Variants in EPHA3 observed in about 807,000 individuals in gnomAD.
EPHA3 encodes the protein EPH receptor A3.
Under a neutral mutation model 107.1 loss-of-function variants are expected in EPHA3, and 42 were observed. The ratio of observed to expected loss-of-function variants is 0.39; its 90% confidence interval spans 0.31 to 0.51. The LOEUF is 0.51. Among genes scored for constraint, EPHA3 ranks in the 20% least tolerant of loss-of-function variants. The pLI is 0.78. For synonymous variants in EPHA3, 461 were observed against 424.8 expected (o/e 1.09, Z -1.05); for missense variants, 1,183 against 1,211.2 (o/e 0.98, Z 0.35).
At chr3:89,292,583 T>G (rs1706238125) in intron 3 of EPHA3, among the ~76,000 whole-genome samples, 1 of 152,192 alleles carries the variant, frequency 6.6e-6, no homozygotes, top group Non-Finnish European at 1.5e-5. Context: ...AATCCAAATT[T>G]TGATTTTCCA....
At chr3:89,298,921 G>A (rs1706422573) in intron 3 of EPHA3, among the ~76,000 whole-genome samples, 1 of 152,022 alleles carries the variant, frequency 6.6e-6, no homozygotes, top group Non-Finnish European at 1.5e-5. Context: ...TCATCATGAA[G>A]ATGATAATAC....
chr3:89,247,235 G>C (rs562465642), intron 3 of EPHA3, among the ~76,000 whole-genome samples: 84 of 152,194 alleles, frequency 5.5e-4, no homozygotes, highest in African/African-American at 2.0e-3. Context: ...TCTGAGACTG[G>C]GAAAGATCCA....
At chr3:89,338,583 C>G (rs1707444103) in intron 3 of EPHA3, among the ~76,000 whole-genome samples, 2 of 152,218 alleles carry the variant, frequency 1.3e-5, no homozygotes, top group Admixed American at 1.3e-4. Context: ...GAGTCTCGCT[C>G]TGTCGCCCAG....
At chr3:89,180,830 T>G (rs142319137) in intron 2 of EPHA3, among the ~76,000 whole-genome samples, 2 of 152,106 alleles carry the variant, frequency 1.3e-5, no homozygotes, top group East Asian at 3.9e-4. Context: ...GAAGTGCATA[T>G]GGGACTACTC....
chr3:89,201,742 G>T (rs1163984750), intron 2 of EPHA3, among the ~76,000 whole-genome samples: 1 of 152,104 alleles, frequency 6.6e-6, no homozygotes, highest in Non-Finnish European at 1.5e-5. Flanking sequence ...TAGAAATTTG[G>T]TGATGTTTTC....
At chr3:89,424,204 C>G (rs962737868) in intron 11 of EPHA3, among the ~76,000 whole-genome samples, 13 of 151,356 alleles carry the variant, frequency 8.6e-5, no homozygotes, top group African/African-American at 2.9e-4. Flanking sequence ...CACCATTTCC[C>G]AAGTGTAGTT....
intron 7 of EPHA3, among the ~76,000 whole-genome samples, chr3:89,402,850 G>T (rs1311863308): frequency 1.3e-5 from 2 of 152,000 alleles, no homozygotes; most frequent in African/African-American, 4.8e-5. Flanking sequence ...GCTAATTTTG[G>T]CATTTTTAGT....
chr3:89,400,135 C>T (rs1708928664), intron 7 of EPHA3: 1 of 805,026 alleles, frequency 1.2e-6, no homozygotes, highest in Non-Finnish European at 1.5e-6. Context: ...GTCTATGGCA[C>T]TAATATAAAA....
At chr3:89,475,412 A>C (rs73139129) in intron 16 of EPHA3, among the ~76,000 whole-genome samples, 4 of 152,222 alleles carry the variant, frequency 2.6e-5, no homozygotes, top group Admixed American at 2.6e-4. Context: ...GTCAAAGTAT[A>C]GGAAAAGATC....
chr3:89,262,495 T>A (rs1204839884), intron 3 of EPHA3, among the ~76,000 whole-genome samples: 1 of 152,220 alleles, frequency 6.6e-6, no homozygotes, highest in Admixed American at 6.5e-5. Context: ...TTATTCACAG[T>A]GTGTGAGCAT....
intron 11 of EPHA3, among the ~76,000 whole-genome samples, chr3:89,421,951 T>G (rs961775020): frequency 3.3e-5 from 5 of 151,252 alleles, no homozygotes; most frequent in Non-Finnish European, 5.9e-5. Flanking sequence ...ACAACTGCCT[T>G]ATTCTTAGGG....
At chr3:89,207,354 A>G (rs1359298875) in intron 2 of EPHA3, among the ~76,000 whole-genome samples, 1 of 152,214 alleles carries the variant, frequency 6.6e-6, no homozygotes, top group African/African-American at 2.4e-5. Flanking sequence ...GGAGGCAACA[A>G]GAATTGAAAA....
chr3:89,262,147 A>G (rs1705432478), intron 3 of EPHA3, among the ~76,000 whole-genome samples: 1 of 152,074 alleles, frequency 6.6e-6, no homozygotes, highest in African/African-American at 2.4e-5. Flanking sequence ...TGTAATATCA[A>G]CTCCAACTGT....
At chr3:89,385,705 A>C (rs568369710) in intron 5 of EPHA3, among the ~76,000 whole-genome samples, 1 of 152,254 alleles carries the variant, frequency 6.6e-6, no homozygotes, top group Non-Finnish European at 1.5e-5. Flanking sequence ...TGTGGAAGCA[A>C]CTTAGGAACT....
intron 2 of EPHA3, among the ~76,000 whole-genome samples, chr3:89,160,593 C>CGT (rs796999543): frequency 2.9e-4 from 31 of 105,760 alleles, no homozygotes; most frequent in African/African-American, 1.0e-3. Flanking sequence ...TGTGTGTGCG[C>CGT]GCATTCTTTT....
At chr3:89,115,542 T>A (rs1191377995) in intron 1 of EPHA3, among the ~76,000 whole-genome samples, 3 of 151,054 alleles carry the variant, frequency 2.0e-5, no homozygotes, top group African/African-American at 7.3e-5. Context: ...AGAACTTCAG[T>A]CTTTTTCATA....
chr3:89,345,876 T>C lies in EPHA3; in HGVS notation c.1306+3786T>C, dbSNP rs1157237072. 4.9e-5 allele frequency among the ~76,000 whole-genome samples: 7 copies of C among 142,936 alleles called. 1 individual carries two copies. Among genetic ancestry groups the C allele is most frequent in the Non-Finnish European group, 1.1e-4 (7 of 64,688 alleles). The allele number at this position is 142,936 out of a possible 152,430, so 93.8% of individuals were successfully genotyped here. ...GTGAGAATATGCGGTGTTTGGTTTT[T>C]TGTTCTTGCGATAGTTTACTGAGAA... On this transcript the variant is annotated intron_variant, in intron 5 of 16. Transcript: ENST00000336596.
chr3:89,209,799 A>C (rs2107180503), intron 2 of EPHA3, 61 bp from the exon 3 acceptor site: 2 of 1,380,484 alleles, frequency 1.4e-6, no homozygotes, highest in Non-Finnish European at 2.0e-6. Context: ...TGACACCCTT[A>C]TGTTGTATTC....
At chr3:89,314,151 T>G (rs1381217880) in intron 3 of EPHA3, among the ~76,000 whole-genome samples, 1 of 151,946 alleles carries the variant, frequency 6.6e-6, no homozygotes, top group Non-Finnish European at 1.5e-5. Flanking sequence ...GAGAGGTCAA[T>G]TTCACTATCT....
Sources: allele counts gnomAD v4.1 joint callset (sites outside exome capture counted in the v4.1 genomes callset), GRCh38; gene constraint gnomAD v4.1.1; transcripts MANE v1.5; gene names NCBI Gene and HGNC (gene_info 2026-07-23, HGNC 2026-07-21).